Variants in NEK10 observed in about 807,000 individuals in gnomAD.
NEK10 encodes the protein serine/threonine-protein kinase Nek10.
In NEK10, 122 loss-of-function variants were observed where a neutral mutation model predicts 159.8. That is an observed-to-expected ratio of 0.76 (90% CI 0.66 to 0.89). The LOEUF (loss-of-function observed/expected upper bound fraction) is 0.89. Among genes scored for constraint, NEK10 ranks in the 40% least tolerant of loss-of-function variants. The probability of loss-of-function intolerance (pLI) is 0.00; values close to 1 mark genes in which losing one functional copy is unlikely to be tolerated. For synonymous variants in NEK10, 466 were observed against 457.1 expected (o/e 1.02, Z -0.25); for missense variants, 1,342 against 1,323.1 (o/e 1.01, Z -0.22).
At chr3:27,130,014 C>A (rs1942423578) in intron 32 of NEK10, among the ~76,000 whole-genome samples, 1 of 152,038 alleles carries the variant, frequency 6.6e-6, no homozygotes, top group East Asian at 1.9e-4. Context: ...AGAGGATACA[C>A]CCCCATGAAG....
chr3:27,177,836 G>T (rs1947671926), intron 26 of NEK10, among the ~76,000 whole-genome samples: 1 of 152,166 alleles, frequency 6.6e-6, no homozygotes, highest in Non-Finnish European at 1.5e-5. Context: ...GTCCTCAGAA[G>T]ACACATCCAG....
At chr3:27,145,257 TACA>T (rs1944189623) in intron 30 of NEK10, among the ~76,000 whole-genome samples, 2 of 152,196 alleles carry the variant, frequency 1.3e-5, no homozygotes, top group African/African-American at 4.8e-5. Context: ...ATGTCAGTCA[TACA>T]TAATATGCCC....
At chr3:27,294,136 G>A (rs2043184913) in intron 15 of NEK10, among the ~76,000 whole-genome samples, 1 of 152,022 alleles carries the variant, frequency 6.6e-6, no homozygotes, top group Admixed American at 6.5e-5. Flanking sequence ...TGAGTAAAGA[G>A]TCTTAAGCAT....
At chr3:27,202,128 C>G (rs2149039789) in intron 24 of NEK10, among the ~76,000 whole-genome samples, 1 of 152,044 alleles carries the variant, frequency 6.6e-6, no homozygotes, top group East Asian at 1.9e-4. Flanking sequence ...GCCAGCCTGG[C>G]TGACAGAGTG....
chr3:27,131,790 G>T, intron 32 of NEK10, 90 bp downstream of exon 32: 1 of 602,322 alleles, frequency 1.7e-6, no homozygotes. Flanking sequence ...AGAGGATAGA[G>T]CTTAAAGTAC....
intron 24 of NEK10, 94 bp downstream of exon 24, chr3:27,202,334 G>T: frequency 2.4e-5 from 28 of 1,154,850 alleles, no homozygotes; most frequent in Non-Finnish European, 3.3e-5. Flanking sequence ...GCTTTTAATG[G>T]GCAGTTATAT....
intron 4 of NEK10, among the ~76,000 whole-genome samples, 184 bp from the exon 5 acceptor site, chr3:27,344,554 A>G (rs1224706479): frequency 6.6e-6 from 1 of 152,260 alleles, no homozygotes; most frequent in Non-Finnish European, 1.5e-5. Context: ...AGCAACTATC[A>G]GCTGTTAAAA....
chr3:27,157,574 T>G (rs530470694), intron 30 of NEK10, among the ~76,000 whole-genome samples: 1 of 152,298 alleles, frequency 6.6e-6, no homozygotes, highest in East Asian at 1.9e-4. Context: ...TGGTTTCTTG[T>G]GATGGAATCT....
chr3:27,119,664 T>A, intron 33 of NEK10, 96 bp downstream of exon 33: 6 of 915,112 alleles, frequency 6.6e-6, no homozygotes, highest in Non-Finnish European at 8.5e-6. Flanking sequence ...AAGCTCTATT[T>A]AAAAAAAAAT....
chr3:27,349,321 CCTTT>C (rs1553646262), intron 3 of NEK10, among the ~76,000 whole-genome samples: 1 of 152,014 alleles, frequency 6.6e-6, no homozygotes, highest in Non-Finnish European at 1.5e-5. Context: ...CCTAGAATGC[CCTTT>C]CTATCAATTC....
At chr3:27,270,849 G>A (rs754830204) in intron 22 of NEK10, among the ~76,000 whole-genome samples, 6 of 151,576 alleles carry the variant, frequency 4.0e-5, no homozygotes, top group South Asian at 2.1e-4. Context: ...TGATCTGGGC[G>A]TTCAGAATGA....
intron 30 of NEK10, among the ~76,000 whole-genome samples, chr3:27,149,237 G>A (rs1318087860): frequency 6.6e-6 from 1 of 151,982 alleles, no homozygotes; most frequent in East Asian, 1.9e-4. Context: ...ATACAGTGAT[G>A]GGTCTAAATC....
In NEK10 at chr3:27,131,913, A is replaced by ATCC; in HGVS notation, c.3047_3048insGGA (p.Ser1016delinsArgAsp). 1 of 1,603,264 alleles carries ATCC rather than the reference A, an allele frequency of 6.2e-7. No individual in the cohort carries two copies. The highest frequency in any genetic ancestry group is 8.5e-7 in the Non-Finnish European group (1 of 1,171,624). On this transcript the variant is annotated protein_altering_variant, in exon 32 of 36. Transcript: ENST00000691995. ...TTTCAGATTTCAAATTACAAGGGTT[A>ATCC]CTCTGCTGGCTGAAGAGGGATTTCT...
In NEK10 at chr3:27,291,580, G is replaced by A. The variant is rs1482429859; in HGVS notation, c.1380C>T (p.Phe460=). 6 of 1,568,524 alleles carry A rather than the reference G, an allele frequency of 3.8e-6. No individual in the cohort carries two copies. In the African/African-American group the frequency reaches 6.8e-5, roughly 18 times the overall value. ...ERNRPLFKRL[F]PTDLFEIFID... ...TGAAGATCTCAAACAAGTCTGTGGG[G>A]AAAAGTCTACAGAGAATATTACACA... Residue 460 remains phenylalanine, a synonymous_variant, in exon 17 of 36, where the codon TTC becomes TTT. Transcript: ENST00000691995.
chr3:27,334,811 A>AACAT (rs2046682060), intron 5 of NEK10, among the ~76,000 whole-genome samples: 1 of 152,210 alleles, frequency 6.6e-6, no homozygotes, highest in African/African-American at 2.4e-5. Flanking sequence ...TGTCAGTGTA[A>AACAT]GAACACAGGA....
At chr3:27,328,439 G>GA (rs1168461595) in intron 5 of NEK10, among the ~76,000 whole-genome samples, 1 of 152,174 alleles carries the variant, frequency 6.6e-6, no homozygotes, top group African/African-American at 2.4e-5. Context: ...TTATTTGAGG[G>GA]ATTGATCCAT....
At position 27,337,856 on chromosome 3, in the gene NEK10, C is replaced by A. The variant is rs534976051; in HGVS notation, c.362+6416G>T. On this transcript the variant is annotated intron_variant, in intron 5 of 35. Coordinates refer to ENST00000691995, the MANE Select transcript of NEK10 (RefSeq NM_001394966.1). Reference sequence around the variant, plus strand: ...AGATTCAAAACTATGAAACTACTAACTAAAAACAGAAAACACTTTCCTATG... The same window carrying A: ...AGATTCAAAACTATGAAACTACTAAATAAAAACAGAAAACACTTTCCTATG... 9.9e-5 allele frequency among the ~76,000 whole-genome samples: 15 copies of A among 152,178 alleles called. No homozygotes were observed. The South Asian group carries it at 2.7e-3, about 27-fold the overall frequency.
chr3:27,230,286 GGAGA>G (rs1201149761), intron 23 of NEK10, among the ~76,000 whole-genome samples: 3 of 152,110 alleles, frequency 2.0e-5, no homozygotes, highest in East Asian at 1.9e-4. Context: ...CATAAATAAA[GGAGA>G]GAGAAAGTCT....
At chr3:27,203,985 C>A (rs536662598) in intron 23 of NEK10, among the ~76,000 whole-genome samples, 233 of 152,170 alleles carry the variant, frequency 1.5e-3, no homozygotes, top group Non-Finnish European at 2.6e-3. Context: ...ATCCCTTTAT[C>A]AACTGCTCAT....
Sources: gnomAD v4.1 joint callset for allele counts (sites outside exome capture counted in the v4.1 genomes callset) on GRCh38, gnomAD v4.1.1 for gene constraint, MANE v1.5 for transcripts, NCBI Gene and HGNC (gene_info 2026-07-23, HGNC 2026-07-21) for gene names.